The following ARPP21 variants were observed in gnomAD, a reference collection of about 807,000 sequenced individuals.
ARPP21 encodes cAMP regulated phosphoprotein 21, also known as cAMP-regulated phosphoprotein 21.
In ARPP21, 69 loss-of-function variants were observed where a neutral mutation model predicts 113.2. That is an observed-to-expected ratio of 0.61 (90% CI 0.50 to 0.74). The LOEUF (loss-of-function observed/expected upper bound fraction) is 0.74. Among genes scored for constraint, ARPP21 ranks in the 30% least tolerant of loss-of-function variants. The pLI is 0.00. For missense variants in ARPP21, 1,070 were observed against 1,037.4 expected (o/e 1.03, Z -0.43); for synonymous variants, 368 against 375.5 (o/e 0.98, Z 0.23).
chr3:35,671,426 A>AT (rs1337882880), intron 1 of ARPP21, among the ~76,000 whole-genome samples: 3 of 152,134 alleles, frequency 2.0e-5, no homozygotes, highest in East Asian at 1.9e-4. Context: ...GAACACTTAC[A>AT]TTTTTTTCTA....
intron 1 of ARPP21, chr3:35,642,384 A>T (rs1698397905): frequency 6.6e-6 from 1 of 152,190 alleles, no homozygotes. Context: ...ATGGTTATGG[A>T]TACTGGACAA....
intron 11 of ARPP21, among the ~76,000 whole-genome samples, chr3:35,709,982 T>C (rs1356761310): frequency 1.3e-5 from 2 of 152,210 alleles, no homozygotes; most frequent in Non-Finnish European, 2.9e-5. Flanking sequence ...GGAGGAAGAC[T>C]GCTGTCCTGA....
At chr3:35,760,177 T>TC (rs764989897) in intron 19 of ARPP21, among the ~76,000 whole-genome samples, 16 of 152,064 alleles carry the variant, frequency 1.1e-4, no homozygotes, top group African/African-American at 3.6e-4. Context: ...CTTTCCTTTC[T>TC]CCCCCTTGTT....
At chr3:35,674,160 C>G (rs572660516) in intron 1 of ARPP21, among the ~76,000 whole-genome samples, 1 of 151,862 alleles carries the variant, frequency 6.6e-6, no homozygotes. Flanking sequence ...TAATAATGCC[C>G]AAACAAGAGT....
intron 10 of ARPP21, among the ~76,000 whole-genome samples, chr3:35,708,353 A>G (rs2089965545): frequency 6.6e-6 from 1 of 152,244 alleles, no homozygotes; most frequent in African/African-American, 2.4e-5. Flanking sequence ...GACTCTTGTC[A>G]ACAAACAGGT....
chr3:35,747,059 C>G (rs1349863416), intron 19 of ARPP21, among the ~76,000 whole-genome samples: 1 of 152,076 alleles, frequency 6.6e-6, no homozygotes, highest in Non-Finnish European at 1.5e-5. Context: ...ATAAAGAACA[C>G]TAATGTTGGG....
intron 1 of ARPP21, chr3:35,641,119 T>A (rs1244435432): frequency 6.6e-6 from 1 of 152,180 alleles, no homozygotes. Context: ...GGGTGGGCAG[T>A]TATATTTCTT....
intron 19 of ARPP21, among the ~76,000 whole-genome samples, chr3:35,744,863 A>G (rs983199172): frequency 6.6e-6 from 1 of 152,198 alleles, no homozygotes; most frequent in Admixed American, 6.5e-5. Context: ...AATATGTACC[A>G]TTTTTATAAC....
At chr3:35,739,812 A>C (rs549864802) in intron 18 of ARPP21, among the ~76,000 whole-genome samples, 28 of 152,330 alleles carry the variant, frequency 1.8e-4, no homozygotes, top group African/African-American at 6.7e-4. Flanking sequence ...CAACAGGGGA[A>C]TATCCCATTT....
Position 35,729,518 on chromosome 3 carries a change from C to G in ARPP21, c.1441C>G (p.Leu481Val), listed in dbSNP as rs369965338. The change falls in exon 15 of 21, where the codon CTT becomes GTT. Residue 481 changes from leucine (L) to valine (V), a missense_variant. Coordinates refer to ENST00000684406, the MANE Select transcript of ARPP21 (RefSeq NM_001385562.1). Reference protein sequence around the residue: ...AATGIPPGSILLNPHTGQPFV... With the variant: ...AATGIPPGSIVLNPHTGQPFV... ...AACAGGCATCCCGCCTGGAAGCATC[C>G]TTCTTAATCCACACACAGGTGAGTT... 1 of 1,614,128 alleles carries G rather than the reference C, an allele frequency of 6.2e-7. No individual in the cohort carries two copies. Among genetic ancestry groups the G allele is most frequent in the Admixed American group, 1.7e-5 (1 of 60,028 alleles).
At chr3:35,767,754 C>A (rs1229638184) in intron 19 of ARPP21, among the ~76,000 whole-genome samples, 1 of 152,032 alleles carries the variant, frequency 6.6e-6, no homozygotes, top group Non-Finnish European at 1.5e-5. Flanking sequence ...ATATTACACT[C>A]CTTGATAGCC....
intron 18 of ARPP21, among the ~76,000 whole-genome samples, chr3:35,743,218 C>T (rs183370046): frequency 6.6e-6 from 1 of 152,286 alleles, no homozygotes; most frequent in Non-Finnish European, 1.5e-5. Context: ...ATTAGAAAAG[C>T]AATTCAAGTT....
intron 1 of ARPP21, chr3:35,643,632 G>A (rs971739287): frequency 6.6e-6 from 1 of 151,994 alleles, no homozygotes; most frequent in Non-Finnish European, 1.5e-5. Context: ...CAATATACAA[G>A]GTAGCCAGAA....
intron 8 of ARPP21, among the ~76,000 whole-genome samples, 199 bp from the exon 9 acceptor site, chr3:35,690,666 A>T (rs2081982213): frequency 6.6e-6 from 1 of 151,688 alleles, no homozygotes; most frequent in Non-Finnish European, 1.5e-5. Flanking sequence ...TGAAACAAAG[A>T]TGTTTATTGT....
Position 35,683,794 on chromosome 3 carries a change from A to T in ARPP21, c.240A>T (p.Gly80=). 1 of 1,534,054 alleles carries T rather than the reference A, an allele frequency of 6.5e-7. No homozygotes were observed. The highest frequency in any genetic ancestry group is 9.0e-7 in the Non-Finnish European group (1 of 1,108,988). ...AVCEESSARP[G]GESLQDQESI... ...GTGAGGAATCTTCTGCCAGACCAGG[A>T]GGTGAAAGTCTTCAGGATCAGGTAT... Residue 80 remains glycine, a synonymous_variant, in exon 5 of 21, where the codon GGA becomes GGT. Coordinates refer to ENST00000684406, the MANE Select transcript of ARPP21 (RefSeq NM_001385562.1).
chr3:35,763,424 T>A (rs531390408), intron 19 of ARPP21, among the ~76,000 whole-genome samples: 4 of 152,144 alleles, frequency 2.6e-5, no homozygotes, highest in Non-Finnish European at 5.9e-5. Context: ...ATTTTAAAAG[T>A]CTTGATATGT....
intron 1 of ARPP21, among the ~76,000 whole-genome samples, chr3:35,672,525 C>A (rs1429369515): frequency 6.6e-6 from 1 of 152,058 alleles, no homozygotes; most frequent in Non-Finnish European, 1.5e-5. Context: ...AGTCACATAG[C>A]CATTACTGAT....
intron 18 of ARPP21, 63 bp from the exon 19 acceptor site, chr3:35,743,776 A>T: frequency 7.1e-6 from 11 of 1,554,784 alleles, no homozygotes; most frequent in Non-Finnish European, 9.7e-6. Context: ...AGCATATTTT[A>T]AGTTTAAAAA....
At chr3:35,639,009 G>A (rs1697400578), upstream of ARPP21, 1 of 152,258 alleles carries the variant, frequency 6.6e-6, no homozygotes, top group Non-Finnish European at 1.5e-5. This position sits in a 1 kb window ranked among gnomAD's most constrained non-coding sequence, Gnocchi z 5.0. Context: ...GTCCCCAGGA[G>A]TCCAGGGGCG....
Sources: allele counts gnomAD v4.1 joint callset (sites outside exome capture counted in the v4.1 genomes callset), GRCh38; gene constraint gnomAD v4.1.1; non-coding constraint Gnocchi (gnomAD v3.1); transcripts MANE v1.5; gene names NCBI Gene and HGNC (gene_info 2026-07-23, HGNC 2026-07-21).